ZNF354A: variants seen among roughly 807,000 people sequenced by gnomAD.
ZNF354A encodes zinc finger protein 354A.
In ZNF354A, 25 loss-of-function variants were observed where a neutral mutation model predicts 53.3. The ratio of observed to expected loss-of-function variants is 0.47; its 90% CI spans 0.34 to 0.66. The LOEUF is 0.66. Among genes scored for constraint, ZNF354A ranks in the 30% least tolerant of loss-of-function variants. ZNF354A has a pLI of 0.01. For missense variants in ZNF354A, 586 were observed against 716.8 expected (o/e 0.82, Z 2.08); for synonymous variants, 228 against 249.0 (o/e 0.92, Z 0.79).
intron 1 of ZNF354A, chr5:178,729,417 GCCCCGTTCA>G (rs1765982267): frequency 5.1e-6 from 1 of 197,870 alleles, no homozygotes; most frequent in African/African-American, 2.4e-5. Flanking sequence ...CGGGGCACCT[GCCCCGTTCA>G]CGCCGCTGCG....
At chr5:178,719,851 G>C (rs372618100) in intron 4 of ZNF354A, among the ~76,000 whole-genome samples, 1 of 151,844 alleles carries the variant, frequency 6.6e-6, no homozygotes, top group African/African-American at 2.4e-5. Flanking sequence ...GGAGGCTGAG[G>C]CAGGAGAATG....
chr5:178,713,147 C>T lies in ZNF354A; in HGVS notation c.731G>A (p.Cys244Tyr). 6.2e-7 allele frequency: 1 copy of T among 1,614,124 alleles called. No individual in the cohort carries two copies. The highest frequency in any genetic ancestry group is 8.5e-7 in the Non-Finnish European group (1 of 1,180,020). Residue 244 changes from cysteine to tyrosine, a missense_variant, in exon 5 of 5, where the codon TGT (cysteine) becomes TAT (tyrosine). By Grantham distance (194) the Cys-to-Tyr change is radical. This residue lies in a region of ZNF354A where 573 missense variants were observed against 680.1 expected (regional missense o/e 0.84). Transcript: ENST00000335815. ...GCTAAAGGCTTTTGAACATTCTTTA[C>T]ACTTAAATAGTTTCTCTCCACTATG... ...KNHSGEKLFKCKECSKAFSQS... is the reference protein window; with the variant it reads ...KNHSGEKLFKYKECSKAFSQS...
chr5:178,712,927 T>C lies in ZNF354A; in HGVS notation c.951A>G (p.Gln317=), dbSNP rs1765648017. Residue 317 remains glutamine, a synonymous_variant, in exon 5 of 5, where the codon CAA becomes CAG. Coordinates refer to ENST00000335815, the MANE Select transcript of ZNF354A (RefSeq NM_005649.3). ...AAGGGTTTTCTTCAGCATGAATTTT[T>C]TGATGTATAAAAAGGCCTGACCTTC... ...FSRRSGLFIH[Q]KIHAEENPCK... is the part of the protein sequence containing the mutation. 1 of 1,614,056 alleles carries C rather than the reference T, an allele frequency of 6.2e-7. No individual in the cohort carries two copies. Among genetic ancestry groups the C allele is most frequent in the African/African-American group, 1.3e-5 (1 of 74,934 alleles).
intron 2 of ZNF354A, among the ~76,000 whole-genome samples, chr5:178,728,550 G>A (rs904411818): frequency 6.6e-6 from 1 of 151,908 alleles, no homozygotes; most frequent in Non-Finnish European, 1.5e-5. Flanking sequence ...AGCACTTTGG[G>A]AGGCTGAGGC....
rs181001807 is a variant in ZNF354A, at chr5:178,729,757, G to A, written c.-51-684C>T. ...AGACGAGGTTTCACCGTGTTGCCCA[G>A]GCTGGTCTCGAACTCCTGATCTCAG... is the stretch of plus-strand genomic sequence containing the variant. On this transcript the variant is annotated intron_variant, in intron 1 of 4. Coordinates refer to ENST00000335815, the MANE Select transcript of ZNF354A (RefSeq NM_005649.3). 1.5e-3 allele frequency among the ~76,000 whole-genome samples: 220 copies of A among 151,694 alleles called. 1 individual carries two copies. The highest frequency in any genetic ancestry group is 4.9e-3 in the African/African-American group (202 of 41,326).
At chr5:178,722,995 G>A (rs1765839079) in intron 4 of ZNF354A, among the ~76,000 whole-genome samples, 1 of 152,190 alleles carries the variant, frequency 6.6e-6, no homozygotes, top group African/African-American at 2.4e-5. Flanking sequence ...CCCTGAGTGG[G>A]GGCCTGCTTG....
chr5:178,713,596 T>C lies in ZNF354A; in HGVS notation c.282A>G (p.Thr94=), dbSNP rs1207341115. The change falls in exon 5 of 5, where the codon ACA becomes ACG. Residue 94 remains threonine (T), a synonymous_variant. Coordinates refer to ENST00000335815, the MANE Select transcript of ZNF354A (RefSeq NM_005649.3). ...SLGSKSSHKT[T]KSTQTQDSSF... Reference sequence around the variant, plus strand: ...AAGAGTCTTGTGTTTGCGTTGACTTTGTGGTTTTATGACTGCTCTTCGATC... The same window carrying C: ...AAGAGTCTTGTGTTTGCGTTGACTTCGTGGTTTTATGACTGCTCTTCGATC... 1 of 1,571,548 alleles carries C rather than the reference T, an allele frequency of 6.4e-7. No individual in the cohort carries two copies. Among genetic ancestry groups the C allele is most frequent in the African/African-American group, 1.4e-5 (1 of 72,608 alleles).
chr5:178,713,627 G>T lies in ZNF354A; in HGVS notation c.257-6C>A. The stretch of plus-strand genomic sequence containing the variant: ...TTTATGACTGCTCTTCGATCCTGGA[G>T]GGAAAAAAAAAATCAAAAATGTTTC... On this transcript the variant is annotated splice_region_variant and splice_polypyrimidine_tract_variant and intron_variant, in intron 4 of 4. Coordinates refer to ENST00000335815, the MANE Select transcript of ZNF354A (RefSeq NM_005649.3). The T allele has an allele frequency of 6.5e-7, 1 of 1,530,538 alleles. No individual in the cohort carries two copies. Among genetic ancestry groups the T allele is most frequent in the Non-Finnish European group, 8.7e-7 (1 of 1,149,680 alleles). The allele number at this position is 1,530,538 out of a possible 1,614,324, so 94.8% of individuals were successfully genotyped here. A position where few individuals can be genotyped will look rare whatever the true frequency, so the allele number is the denominator to read the frequency against.
chr5:178,722,029 GC>G (rs1765821540), intron 4 of ZNF354A, among the ~76,000 whole-genome samples: 1 of 151,976 alleles, frequency 6.6e-6, no homozygotes, highest in Non-Finnish European at 1.5e-5. Flanking sequence ...CCCATCTACT[GC>G]TACCATTCCA....
chr5:178,726,254 AAG>A (rs1379521465), intron 3 of ZNF354A: 7 of 455,880 alleles, frequency 1.5e-5, no homozygotes, highest in Admixed American at 4.7e-5. Flanking sequence ...GGGAAAAAAA[AAG>A]AGAAATATGT....
At chr5:178,723,178 C>A (rs190967451) in intron 4 of ZNF354A, among the ~76,000 whole-genome samples, 1 of 152,370 alleles carries the variant, frequency 6.6e-6, no homozygotes, top group Admixed American at 6.5e-5. Flanking sequence ...AAAAAAATCT[C>A]ACCTTTCTTC....
intron 4 of ZNF354A, among the ~76,000 whole-genome samples, chr5:178,714,929 G>C (rs780718724): frequency 4.6e-5 from 7 of 152,204 alleles, no homozygotes; most frequent in Non-Finnish European, 8.8e-5. Flanking sequence ...GGTGCCACAA[G>C]ACAGGCCTAG....
intron 3 of ZNF354A, among the ~76,000 whole-genome samples, chr5:178,725,719 T>C (rs946475867): frequency 6.6e-6 from 1 of 152,188 alleles, no homozygotes; most frequent in Non-Finnish European, 1.5e-5. Context: ...GTATTGGTAA[T>C]AGGATACCAC....
Position 178,711,622 on chromosome 5 carries a change from T to G in ZNF354A, c.*438A>C, listed in dbSNP as rs1168820343. ...TTCATAATTCATTTTTCTTTTATTT[T>G]GGTCCTTTTCTCTAAAAAGGTACAA... On this transcript the variant is annotated 3_prime_UTR_variant, in exon 5 of 5. Transcript: ENST00000335815. 6.5e-6 allele frequency: 1 copy of G among 154,204 alleles called. No individual in the cohort carries two copies. The highest frequency in any genetic ancestry group is 6.5e-5 in the Admixed American group (1 of 15,444). The allele number at this position is 154,204 out of a possible 1,614,324, so 9.6% of individuals were successfully genotyped here.
In ZNF354A at chr5:178,722,815, G is replaced by A. The variant is rs1041032011; in HGVS notation, c.256+2561C>T. On this transcript the variant is annotated intron_variant, in intron 4 of 4. Coordinates refer to ENST00000335815, the MANE Select transcript of ZNF354A (RefSeq NM_005649.3). ...ATCTATTACACAGCGCTAAGCACGA[G>A]GAGGGAAAATAAAGCACGGTGAGGA... 4.6e-5 allele frequency among the ~76,000 whole-genome samples: 7 copies of A among 152,348 alleles called. No individual in the cohort carries two copies. In the South Asian group the frequency reaches 1.0e-3, roughly 23 times the overall value.
chr5:178,727,148 C>G, intron 2 of ZNF354A, 23 bp from the exon 3 acceptor site: 1 of 1,605,576 alleles, frequency 6.2e-7, no homozygotes, highest in Non-Finnish European at 8.5e-7. Context: ...GTCGTTCCAG[C>G]TCACCCAGGA....
Position 178,721,269 on chromosome 5 carries a change from G to A in ZNF354A, c.256+4107C>T, listed in dbSNP as rs573538707. On this transcript the variant is annotated intron_variant, in intron 4 of 4. Transcript: ENST00000335815. ...CAGAGTGTGTTACACAAATCTAGATGGTATAGGCTACTACACACCTAGGCT... is the reference window on the plus strand; with the variant it reads ...CAGAGTGTGTTACACAAATCTAGATAGTATAGGCTACTACACACCTAGGCT... Among the ~76,000 whole-genome samples, 24 of 152,158 alleles carry A rather than the reference G, an allele frequency of 1.6e-4. No individual in the cohort carries two copies. The East Asian group carries it at 4.4e-3, about 28-fold the overall frequency.
At chr5:178,727,769 G>A (rs1263017689) in intron 2 of ZNF354A, among the ~76,000 whole-genome samples, 1 of 152,122 alleles carries the variant, frequency 6.6e-6, no homozygotes, top group Non-Finnish European at 1.5e-5. Flanking sequence ...CTTTACACAA[G>A]AGAAAACAAA....
rs1388929886 is a variant in ZNF354A at position 178,712,048 on chromosome 5, C to G, written c.*12G>C. The stretch of plus-strand genomic sequence containing the variant: ...CTTTGGTTTAAGGCTTTCACACATA[C>G]AAATCTACTTTCTAGGGGTCCTCTT... On this transcript the variant is annotated 3_prime_UTR_variant, in exon 5 of 5. Transcript: ENST00000335815. The G allele has an allele frequency of 6.4e-7, 1 of 1,562,920 alleles. No individual in the cohort carries two copies. The highest frequency in any genetic ancestry group is 8.6e-7 in the Non-Finnish European group (1 of 1,156,844).
Sources: allele counts gnomAD v4.1 joint callset (sites outside exome capture counted in the v4.1 genomes callset), GRCh38; gene constraint gnomAD v4.1.1; regional missense constraint gnomAD v4.1.1; transcripts MANE v1.5; gene names NCBI Gene and HGNC (gene_info 2026-07-23, HGNC 2026-07-21).